Variants in NRXN3 observed in about 807,000 individuals in gnomAD.
NRXN3 encodes the protein neurexin III.
A neutral mutation model predicts 137.6 loss-of-function variants in NRXN3; 32 were observed. The observed-to-expected ratio is 0.23, with a 90% CI of 0.18 to 0.31. The LOEUF is 0.31. Among genes scored for constraint, NRXN3 ranks in the 10% least tolerant of loss-of-function variants. The pLI is 1.00. For missense variants in NRXN3, 1,574 were observed against 2,062.5 expected (o/e 0.76, Z 4.59); for synonymous variants, 798 against 784.5 (o/e 1.02, Z -0.29).
At chr14:79,349,993 T>A (rs2093124926) in intron 15 of NRXN3, among the ~76,000 whole-genome samples, 1 of 152,212 alleles carries the variant, frequency 6.6e-6, no homozygotes, top group Admixed American at 6.5e-5. Context: ...TTTGTGGTAG[T>A]TTGTTACAGC....
intron 15 of NRXN3, among the ~76,000 whole-genome samples, chr14:79,244,086 A>G (rs982444900): frequency 1.3e-5 from 2 of 152,122 alleles, no homozygotes; most frequent in African/African-American, 2.4e-5. Flanking sequence ...TCTTTCTGCA[A>G]CTAATGATTT....
chr14:78,584,241 A>G (rs1364145498), intron 4 of NRXN3, among the ~76,000 whole-genome samples: 1 of 152,208 alleles, frequency 6.6e-6, no homozygotes, highest in Admixed American at 6.5e-5. Flanking sequence ...GTTGAGATTG[A>G]ACAAGCAGAA....
chr14:79,449,188 A>G (rs1183287796), intron 15 of NRXN3, among the ~76,000 whole-genome samples: 1 of 152,158 alleles, frequency 6.6e-6, no homozygotes, highest in African/African-American at 2.4e-5. Flanking sequence ...ATAAGACTCT[A>G]AAGAATTGGC....
intron 15 of NRXN3, among the ~76,000 whole-genome samples, chr14:79,387,535 G>C (rs1265654846): frequency 1.3e-5 from 2 of 152,210 alleles, no homozygotes; most frequent in Admixed American, 6.5e-5. Flanking sequence ...CATTGTAGAA[G>C]TCAGTGTGGC....
At chr14:78,436,326 T>C (rs757489591) in intron 4 of NRXN3, among the ~76,000 whole-genome samples, 3 of 152,204 alleles carry the variant, frequency 2.0e-5, no homozygotes, top group Non-Finnish European at 4.4e-5. Context: ...ACCTACTGTA[T>C]GTCAGGGTAC....
At chr14:78,208,036 T>C (rs1340997654) in intron 1 of NRXN3, among the ~76,000 whole-genome samples, 1 of 152,226 alleles carries the variant, frequency 6.6e-6, no homozygotes, top group Non-Finnish European at 1.5e-5. Context: ...TTCTTCTACT[T>C]GCTGAGTTAG....
At chr14:78,234,994 TTA>T (rs57469863) in intron 1 of NRXN3, among the ~76,000 whole-genome samples, 5,287 of 108,210 alleles carry the variant, frequency 0.049, 288 homozygotes, top group African/African-American at 0.094. Flanking sequence ...ACAAATGCTT[TTA>T]TATATATATA....
intron 10 of NRXN3, among the ~76,000 whole-genome samples, chr14:78,865,723 A>C (rs984180390): frequency 6.6e-6 from 1 of 151,006 alleles, no homozygotes; most frequent in African/African-American, 2.5e-5. Context: ...TTCTTTTGGA[A>C]TTAAACAAAA....
At chr14:79,196,350 T>C (rs1328353231) in intron 15 of NRXN3, among the ~76,000 whole-genome samples, 2 of 152,214 alleles carry the variant, frequency 1.3e-5, no homozygotes, top group Non-Finnish European at 2.9e-5. Context: ...GAAACTGACA[T>C]CTGACATGGG....
At chr14:78,650,999 C>T (rs1454600887) in intron 5 of NRXN3, among the ~76,000 whole-genome samples, 166 bp from the exon 6 acceptor site, 1 of 152,128 alleles carries the variant, frequency 6.6e-6, no homozygotes, top group Non-Finnish European at 1.5e-5. Flanking sequence ...GGAGGCAGAC[C>T]AGAAAATGGA....
At chr14:79,405,722 A>T (rs2095297431) in intron 15 of NRXN3, among the ~76,000 whole-genome samples, 1 of 152,144 alleles carries the variant, frequency 6.6e-6, no homozygotes, top group Admixed American at 6.6e-5. Flanking sequence ...TGTCTTAGTC[A>T]ACAGCCTGCC....
At chr14:78,966,523 A>G (rs1279181406) in intron 12 of NRXN3, 117 bp downstream of exon 12, 1 of 1,051,552 alleles carries the variant, frequency 9.5e-7, no homozygotes, top group Non-Finnish European at 1.4e-6. Flanking sequence ...TTCCTGACAC[A>G]TTCTCGCATC....
chr14:78,791,887 G>T (rs539626189), intron 8 of NRXN3, among the ~76,000 whole-genome samples: 1 of 152,084 alleles, frequency 6.6e-6, no homozygotes, highest in South Asian at 2.1e-4. Flanking sequence ...AAAGTGTATA[G>T]AACTCAAAAT....
intron 19 of NRXN3, among the ~76,000 whole-genome samples, chr14:79,788,773 C>T (rs926802401): frequency 2.2e-4 from 34 of 152,190 alleles, no homozygotes; most frequent in African/African-American, 7.9e-4. Context: ...CAGTGTGATT[C>T]CAAGAAACTA....
At chr14:78,921,154 G>T (rs560839500) in intron 10 of NRXN3, among the ~76,000 whole-genome samples, 1 of 152,252 alleles carries the variant, frequency 6.6e-6, no homozygotes, top group South Asian at 2.1e-4. Context: ...TTTCATTAGG[G>T]ATCTTAAATA....
intron 16 of NRXN3, among the ~76,000 whole-genome samples, chr14:79,490,450 T>G (rs1037620030): frequency 1.3e-5 from 2 of 152,094 alleles, no homozygotes; most frequent in African/African-American, 2.4e-5. Context: ...AGAAAAAATG[T>G]GGTACATATA....
intron 15 of NRXN3, among the ~76,000 whole-genome samples, chr14:79,185,515 G>GA (rs1283769834): frequency 6.7e-6 from 1 of 150,112 alleles, no homozygotes; most frequent in Non-Finnish European, 1.5e-5. Context: ...GCCCAGGCTG[G>GA]AGTGCAGTGG....
At chr14:79,607,673 AT>A (rs10714829) in intron 16 of NRXN3, among the ~76,000 whole-genome samples, 27,928 of 141,530 alleles carry the variant, frequency 0.2, 5,025 homozygotes, top group African/African-American at 0.5. Context: ...TTAATCTACA[AT>A]TTTTTTTTTT....
chr14:79,329,853 T>C (rs943063376), intron 15 of NRXN3, among the ~76,000 whole-genome samples: 2 of 151,966 alleles, frequency 1.3e-5, no homozygotes, highest in African/African-American at 4.8e-5. Context: ...GTTTTTTTTT[T>C]TTTTTGGAGA....
Sources: allele counts gnomAD v4.1 joint callset (sites outside exome capture counted in the v4.1 genomes callset), GRCh38; gene constraint gnomAD v4.1.1; transcripts MANE v1.5; gene names NCBI Gene and HGNC (gene_info 2026-07-23, HGNC 2026-07-21).